COL5A1: variants seen among roughly 807,000 people sequenced by gnomAD.
COL5A1 encodes the protein collagen alpha-1(V) chain.
A neutral mutation model predicts 263.7 loss-of-function variants in COL5A1; 16 were observed. The observed-to-expected ratio is 0.06, with a 90% CI of 0.04 to 0.09. The LOEUF (loss-of-function observed/expected upper bound fraction) is 0.09, where lower values mean the gene tolerates loss of function less well. Ranked by LOEUF, COL5A1 falls within the 10% of genes least tolerant of loss-of-function variation. The probability of loss-of-function intolerance (pLI) is 1.00; values close to 1 mark genes in which losing one functional copy is unlikely to be tolerated. For synonymous variants in COL5A1, 1,012 were observed against 1,004.5 expected (o/e 1.01, Z -0.14); for missense variants, 2,036 against 2,540.5 (o/e 0.80, Z 4.27).
At position 134,677,540 on chromosome 9, in the gene COL5A1, T is replaced by C. The variant is rs1832714568; in HGVS notation, c.110-13372T>C. ...GCTCTTGCCCCTGATGCTGAAATGA[T>C]AGGAGGGTGAGGTTTATCAGCGGGA... On this transcript the variant is annotated intron_variant, in intron 1 of 65. Transcript: ENST00000371817. The surrounding 1 kb of genome is among the most constrained non-coding windows in gnomAD (Gnocchi z 4.4). Among the ~76,000 whole-genome samples, 1 of 152,164 alleles carries C rather than the reference T, an allele frequency of 6.6e-6. No individual in the cohort carries two copies. The highest frequency in any genetic ancestry group is 2.4e-5 in the African/African-American group (1 of 41,444).
In COL5A1 at chr9:134,652,791, G is replaced by A. The variant is rs921850520; in HGVS notation, c.109+10495G>A. On this transcript the variant is annotated intron_variant, in intron 1 of 65. Coordinates refer to ENST00000371817, the MANE Select transcript of COL5A1 (RefSeq NM_000093.5). The surrounding 1 kb of genome is among the most constrained non-coding windows in gnomAD (Gnocchi z 4.4). ...GTCCAGCGTTTCTCCTCATGGTGTAGACCAGCAGTTCCCAAACTTTACCAG... is the reference window on the plus strand; with the variant it reads ...GTCCAGCGTTTCTCCTCATGGTGTAAACCAGCAGTTCCCAAACTTTACCAG... 1 of 464,738 alleles carries A rather than the reference G, an allele frequency of 2.2e-6. No homozygotes were observed. The highest frequency in any genetic ancestry group is 4.5e-6 in the Non-Finnish European group (1 of 223,140). The allele number at this position is 464,738 out of a possible 1,614,324, so 28.8% of individuals were successfully genotyped here. A position where few individuals can be genotyped will look rare whatever the true frequency, so the allele number is the denominator to read the frequency against.
At chr9:134,756,673 A>C (rs1835987568) in intron 16 of COL5A1, 92 bp from the exon 17 acceptor site, 11 of 1,379,838 alleles carry the variant, frequency 8.0e-6, no homozygotes, top group South Asian at 1.2e-5. Context: ...CTCTGGTGGA[A>C]CGCTCAACTT....
intron 1 of COL5A1, among the ~76,000 whole-genome samples, chr9:134,666,862 C>T (rs902704596): frequency 1.3e-5 from 2 of 152,172 alleles, no homozygotes; most frequent in African/African-American, 4.8e-5. Context: ...CATTTTGGTC[C>T]TTCATTAAAT....
chr9:134,655,632 T>C (rs1289572306), intron 1 of COL5A1, among the ~76,000 whole-genome samples: 2 of 152,102 alleles, frequency 1.3e-5, no homozygotes, highest in African/African-American at 2.4e-5. Flanking sequence ...GGCATGCCAT[T>C]GGTTCAGAGG....
rs559912428 is a variant in COL5A1 at position 134,840,191 on chromosome 9, A to C, written c.5371-1966A>C. Among the ~76,000 whole-genome samples the C allele has an allele frequency of 2.0e-5, 3 of 152,310 alleles. No individual in the cohort carries two copies. The East Asian group carries it at 5.8e-4, about 29-fold the overall frequency. ...GGGGTCAGAGCTGTAGGGGGTTAAC[A>C]AGCTCCCTGAGAACTCGCGTTCTCT... On this transcript the variant is annotated intron_variant, in intron 65 of 65. Coordinates refer to ENST00000371817, the MANE Select transcript of COL5A1 (RefSeq NM_000093.5).
intron 1 of COL5A1, among the ~76,000 whole-genome samples, chr9:134,654,845 C>G (rs1187049328): frequency 3.0e-4 from 16 of 53,634 alleles, no homozygotes; most frequent in East Asian, 6.4e-4. Flanking sequence ...GTGTGGGGCT[C>G]GTGTGTGTAG....
At chr9:134,701,030 G>A (rs1272722587) in intron 3 of COL5A1, 141 bp from the exon 4 acceptor site, 4 of 825,626 alleles carry the variant, frequency 4.8e-6, no homozygotes, top group Non-Finnish European at 8.0e-6. Flanking sequence ...TGATTCCAGA[G>A]GCTGGGCCTT....
chr9:134,835,300 CAGAG>C, intron 65 of COL5A1, 96 bp downstream of exon 65: 1 of 1,157,452 alleles, frequency 8.6e-7, no homozygotes, highest in South Asian at 1.3e-5. Flanking sequence ...AGATGCCTGC[CAGAG>C]GGCAGTGAGG....
intron 37 of COL5A1, among the ~76,000 whole-genome samples, chr9:134,800,688 T>C (rs1838078921): frequency 7.3e-6 from 1 of 137,758 alleles, no homozygotes; most frequent in Non-Finnish European, 1.5e-5. Flanking sequence ...GAGGCTGCCG[T>C]GAGCCGAGAT....
intron 32 of COL5A1, among the ~76,000 whole-genome samples, chr9:134,793,043 C>A (rs917307917): frequency 4.6e-5 from 7 of 151,982 alleles, no homozygotes; most frequent in Admixed American, 2.6e-4. Flanking sequence ...ATGGGCCAGA[C>A]GTGGAAATGG....
intron 27 of COL5A1, among the ~76,000 whole-genome samples, chr9:134,778,339 C>T (rs1182097219): frequency 6.6e-6 from 1 of 152,258 alleles, no homozygotes; most frequent in African/African-American, 2.4e-5. Context: ...TGCTGCCAAG[C>T]GCGTGCTGTG....
Position 134,647,853 on chromosome 9 carries a change from C to T in COL5A1, c.109+5557C>T, listed in dbSNP as rs1200648841. On this transcript the variant is annotated intron_variant, in intron 1 of 65. Transcript: ENST00000371817. This position sits in a 1 kb window ranked among gnomAD's most constrained non-coding sequence, Gnocchi z 5.0. ...TTGCCAAGTGTCGGTTTTAAAGTTTCTGGCCTGGCTGGTGGATGTGCCTCG... is the reference window on the plus strand; with the variant it reads ...TTGCCAAGTGTCGGTTTTAAAGTTTTTGGCCTGGCTGGTGGATGTGCCTCG... Among the ~76,000 whole-genome samples, 1 of 152,208 alleles carries T rather than the reference C, an allele frequency of 6.6e-6. No individual in the cohort carries two copies. The highest frequency in any genetic ancestry group is 1.5e-5 in the Non-Finnish European group (1 of 68,044).
rs747656987 is a variant in COL5A1 at position 134,842,254 on chromosome 9, C to A, written c.5468C>A (p.Ala1823Glu). 2.5e-6 allele frequency: 4 copies of A among 1,614,082 alleles called. No homozygotes were observed. The highest frequency in any genetic ancestry group is 3.4e-6 in the Non-Finnish European group (4 of 1,180,036). ...ATCATGTTCAATGACTTCGGTGAAG[C>A]GTCACAGAAATTTGGATTTGAAGTG... ...VDIMFNDFGE[A>E]SQKFGFEVGP... The change falls in exon 66 of 66, where the codon GCG (alanine) becomes GAG (glutamate). Residue 1823 changes from alanine (A) to glutamate (E), a missense_variant. Physicochemically the swap from Ala to Glu is moderately radical, Grantham distance 107. Coordinates refer to ENST00000371817, the MANE Select transcript of COL5A1 (RefSeq NM_000093.5). The surrounding 1 kb of genome is among the most constrained non-coding windows in gnomAD (Gnocchi z 5.8).
At chr9:134,760,910 C>G (rs1283109557) in intron 18 of COL5A1, among the ~76,000 whole-genome samples, 1 of 149,380 alleles carries the variant, frequency 6.7e-6, no homozygotes, top group Non-Finnish European at 1.5e-5. Context: ...TACACACATG[C>G]ACACACACAC....
intron 1 of COL5A1, among the ~76,000 whole-genome samples, chr9:134,659,577 G>A (rs1832137045): frequency 6.6e-6 from 1 of 152,184 alleles, no homozygotes; most frequent in South Asian, 2.1e-4. Flanking sequence ...CATCCCTGCA[G>A]TAGGCACTGA....
chr9:134,685,205 C>A (rs1832991376), intron 1 of COL5A1, among the ~76,000 whole-genome samples: 1 of 151,396 alleles, frequency 6.6e-6, no homozygotes, highest in African/African-American at 2.4e-5. Flanking sequence ...TCCATCCATC[C>A]ATCCATCCAC....
chr9:134,784,774 A>AGAGCCCGG (rs1032468870), intron 29 of COL5A1, among the ~76,000 whole-genome samples: 1 of 152,396 alleles, frequency 6.6e-6, no homozygotes, highest in South Asian at 2.1e-4. Context: ...CAGCTTCCGC[A>AGAGCCCGG]GAGCCCGGGA....
intron 11 of COL5A1, among the ~76,000 whole-genome samples, chr9:134,746,429 C>T (rs188445916): frequency 8.1e-4 from 124 of 152,352 alleles, no homozygotes; most frequent in African/African-American, 2.7e-3. Flanking sequence ...ACCCAAATCC[C>T]GGCCTGGAAA....
intron 18 of COL5A1, among the ~76,000 whole-genome samples, chr9:134,759,516 TACAC>T (rs375476981): frequency 0.082 from 6,222 of 75,904 alleles, 348 homozygotes; most frequent in African/African-American, 0.098. Flanking sequence ...CACACACACA[TACAC>T]ACACCACATA....
Sources: gnomAD v4.1 joint callset for allele counts (sites outside exome capture counted in the v4.1 genomes callset) on GRCh38, gnomAD v4.1.1 for gene constraint, Gnocchi (gnomAD v3.1) non-coding constraint, MANE v1.5 for transcripts, NCBI Gene and HGNC (gene_info 2026-07-23, HGNC 2026-07-21) for gene names.